Variants in KIF13A observed in about 807,000 individuals in gnomAD.
The protein encoded by KIF13A is kinesin family member 13A, also known as kinesin-like protein KIF13A.
KIF13A carries 79 observed loss-of-function variants against 212.2 expected under a neutral mutation model. The ratio of observed to expected loss-of-function variants is 0.37; its 90% CI spans 0.31 to 0.45. The LOEUF (loss-of-function observed/expected upper bound fraction) is 0.45. KIF13A is among the 20% of genes least tolerant of loss of function. The pLI is 1.00. For synonymous variants in KIF13A, 789 were observed against 808.6 expected (o/e 0.98, Z 0.41); for missense variants, 1,901 against 2,209.0 (o/e 0.86, Z 2.79).
chr6:17,814,980 G>T (rs1019377648), intron 17 of KIF13A, among the ~76,000 whole-genome samples: 1 of 152,146 alleles, frequency 6.6e-6, no homozygotes, highest in Non-Finnish European at 1.5e-5. Context: ...CGCAGAGACC[G>T]GTAGTGGCCC....
Position 17,960,637 on chromosome 6 carries a change from A to T in KIF13A, c.146+26417T>A, listed in dbSNP as rs186535709. Among the ~76,000 whole-genome samples the T allele has an allele frequency of 8.4e-4, 128 of 152,290 alleles. 1 individual carries two copies. Among genetic ancestry groups the T allele is most frequent in the Non-Finnish European group, 1.9e-4 (13 of 68,036 alleles). On this transcript the variant is annotated intron_variant, in intron 2 of 38. Transcript: ENST00000259711. ...TTTACCCAGGGGATATATCGAGAGC[A>T]TCATCTCTCAGGAGGAGGTGAGATT...
chr6:17,973,131 C>T (rs141604252), intron 2 of KIF13A, among the ~76,000 whole-genome samples: 1 of 152,278 alleles, frequency 6.6e-6, no homozygotes, highest in Admixed American at 6.5e-5. Flanking sequence ...AAACACGATG[C>T]CCAAGGAAGT....
At chr6:17,905,727 T>C (rs1773438846) in intron 2 of KIF13A, among the ~76,000 whole-genome samples, 1 of 152,058 alleles carries the variant, frequency 6.6e-6, no homozygotes, top group Non-Finnish European at 1.5e-5. Flanking sequence ...GTTATCCCAA[T>C]AGGGGGAATC....
chr6:17,841,176 G>A (rs1265128135), intron 9 of KIF13A, among the ~76,000 whole-genome samples: 3 of 150,126 alleles, frequency 2.0e-5, no homozygotes, highest in Non-Finnish European at 2.9e-5. Context: ...AGGCTCAAGC[G>A]ATCCTCTTAT....
chr6:17,912,171 A>G lies in KIF13A; in HGVS notation c.147-13991T>C, dbSNP rs1191185099. On this transcript the variant is annotated intron_variant, in intron 2 of 38. Coordinates refer to ENST00000259711, the MANE Select transcript of KIF13A (RefSeq NM_022113.6). The surrounding 1 kb of genome is among the most constrained non-coding windows in gnomAD (Gnocchi z 4.2). The stretch of plus-strand genomic sequence containing the variant: ...TGGATACCCCATTCTCCATGATGTG[A>G]TTATTACGCATTGCATGCCTACATC... 6.6e-6 allele frequency among the ~76,000 whole-genome samples: 1 copy of G among 152,232 alleles called. No individual in the cohort carries two copies. Among genetic ancestry groups the G allele is most frequent in the African/African-American group, 2.4e-5 (1 of 41,470 alleles).
chr6:17,864,766 G>T (rs755682717), intron 4 of KIF13A, among the ~76,000 whole-genome samples: 127 of 152,184 alleles, frequency 8.3e-4, no homozygotes, highest in Non-Finnish European at 1.0e-4. Flanking sequence ...CAAAGTGCTG[G>T]AATTATAGTC....
At position 17,771,029 on chromosome 6, in the gene KIF13A, T is replaced by G. The variant is rs897373325; in HGVS notation, c.4581+85A>C. 3.4e-6 allele frequency: 3 copies of G among 873,058 alleles called. No homozygotes were observed. The African/African-American group carries it at 5.0e-5, about 15-fold the overall frequency. 54.1% of individuals were successfully genotyped at this position (873,058 alleles called of 1,614,324 possible). A position where few individuals can be genotyped will look rare whatever the true frequency, so the allele number is the denominator to read the frequency against. ...GACAAAGACCCAATACATGTCTTAATTTCTTCTAGCATTTGGATGATTGTC... is the reference window on the plus strand; with the variant it reads ...GACAAAGACCCAATACATGTCTTAAGTTCTTCTAGCATTTGGATGATTGTC... On this transcript the variant is annotated intron_variant, in intron 38 of 38. Transcript: ENST00000259711. This position sits in a 1 kb window ranked among gnomAD's most constrained non-coding sequence, Gnocchi z 5.4.
downstream of KIF13A, among the ~76,000 whole-genome samples, chr6:17,762,464 G>A (rs1245365361): frequency 6.6e-6 from 1 of 151,952 alleles, no homozygotes; most frequent in East Asian, 1.9e-4. Context: ...CACCTGCCTC[G>A]GCCTTCCAAA....
At chr6:17,874,993 G>GCACGCGCA (rs1770395000) in intron 3 of KIF13A, among the ~76,000 whole-genome samples, 1 of 51,410 alleles carries the variant, frequency 1.9e-5, no homozygotes, top group Non-Finnish European at 3.9e-5. Context: ...ACACACACAC[G>GCACGCGCA]CACACGCACG....
At chr6:17,970,344 G>C (rs1451467097) in intron 2 of KIF13A, among the ~76,000 whole-genome samples, 1 of 145,260 alleles carries the variant, frequency 6.9e-6, no homozygotes, top group Non-Finnish European at 1.5e-5. Flanking sequence ...ACTCATGCCT[G>C]TAATCCCAAA....
intron 16 of KIF13A, among the ~76,000 whole-genome samples, chr6:17,822,387 G>C (rs1161128151): frequency 1.3e-5 from 2 of 152,142 alleles, no homozygotes; most frequent in African/African-American, 4.8e-5. Context: ...TGGAGAGCAA[G>C]GCCTGATCTG....
intron 12 of KIF13A, among the ~76,000 whole-genome samples, chr6:17,833,450 T>C (rs553691721): frequency 2.7e-5 from 4 of 150,012 alleles, no homozygotes; most frequent in South Asian, 2.1e-4. Context: ...AGAGCTGTGA[T>C]TGAGCTGCTG....
At chr6:17,796,209 CTT>C (rs1231509585) in intron 23 of KIF13A, among the ~76,000 whole-genome samples, 1 of 133,840 alleles carries the variant, frequency 7.5e-6, no homozygotes. Context: ...CCTTTTTTTT[CTT>C]TTTTTTTGGA....
chr6:17,980,039 A>C (rs1780922147), intron 2 of KIF13A, among the ~76,000 whole-genome samples: 2 of 152,160 alleles, frequency 1.3e-5, no homozygotes, highest in African/African-American at 4.8e-5. Context: ...CTAATTCAAT[A>C]ATTTTTTTTT....
chr6:17,899,522 A>G lies in KIF13A; in HGVS notation c.147-1342T>C, dbSNP rs1037453366. ...CAAAACTGAGAGCTCAGTAGCAGGG[A>G]AAAAAAATGTCCAATCACATGCATA... is the stretch of plus-strand genomic sequence containing the variant. On this transcript the variant is annotated intron_variant, in intron 2 of 38. Coordinates refer to ENST00000259711, the MANE Select transcript of KIF13A (RefSeq NM_022113.6). This position sits in a 1 kb window ranked among gnomAD's most constrained non-coding sequence, Gnocchi z 5.2. Among the ~76,000 whole-genome samples, 12 of 152,092 alleles carry G rather than the reference A, an allele frequency of 7.9e-5. No individual in the cohort carries two copies. The highest frequency in any genetic ancestry group is 2.4e-4 in the African/African-American group (10 of 41,410).
At chr6:17,908,939 G>A (rs142963483) in intron 2 of KIF13A, among the ~76,000 whole-genome samples, 170 of 152,302 alleles carry the variant, frequency 1.1e-3, no homozygotes, top group African/African-American at 4.0e-3. Context: ...ATCTAGCCAT[G>A]TTGACCTTGG....
intron 2 of KIF13A, among the ~76,000 whole-genome samples, chr6:17,944,054 T>C (rs965738702): frequency 4.2e-4 from 64 of 152,224 alleles, no homozygotes; most frequent in African/African-American, 1.5e-3. Context: ...TCTCTTTATG[T>C]GGCATCTCCA....
intron 20 of KIF13A, 100 bp from the exon 21 acceptor site, chr6:17,800,213 T>G (rs1762367412): frequency 1.8e-6 from 2 of 1,131,714 alleles, no homozygotes; most frequent in South Asian, 3.2e-5. Context: ...GGAGAGGGGC[T>G]CTGCAGCTGC....
chr6:17,814,878 G>A (rs574619512), intron 17 of KIF13A, among the ~76,000 whole-genome samples: 7 of 152,146 alleles, frequency 4.6e-5, no homozygotes, highest in East Asian at 1.9e-4. Flanking sequence ...TTTTCTCCTC[G>A]TGTGTGGAGA....
Sources: allele counts gnomAD v4.1 joint callset (sites outside exome capture counted in the v4.1 genomes callset), GRCh38; gene constraint gnomAD v4.1.1; non-coding constraint Gnocchi (gnomAD v3.1); transcripts MANE v1.5; gene names NCBI Gene and HGNC (gene_info 2026-07-23, HGNC 2026-07-21).